The following DEDD2 variants were observed in gnomAD, a reference collection of about 807,000 sequenced individuals.
DEDD2 encodes DNA-binding death effector domain-containing protein 2.
DEDD2 carries 18 observed loss-of-function variants against 28.9 expected under a neutral mutation model. The observed-to-expected ratio is 0.62, with a 90% CI of 0.43 to 0.92. The LOEUF is 0.92. Ranked by LOEUF, DEDD2 falls within the 40% of genes least tolerant of loss-of-function variation. The pLI, the probability that DEDD2 is intolerant of heterozygous loss-of-function variation, is 0.00. For synonymous variants in DEDD2, 211 were observed against 206.1 expected, an observed-to-expected ratio of 1.02 and a Z score of -0.20; for missense variants, 411 against 463.3, an observed-to-expected ratio of 0.89 and a Z score of 1.04.
intron 4 of DEDD2, among the ~76,000 whole-genome samples, chr19:42,207,650 G>A (rs1450203554): frequency 2.6e-5 from 4 of 152,148 alleles, no homozygotes; most frequent in African/African-American, 9.7e-5. Flanking sequence ...AACTCCTGGA[G>A]GCTGAGGACT....
At chr19:42,218,640 T>A (rs2036068901), upstream of DEDD2, among the ~76,000 whole-genome samples, 2 of 152,120 alleles carry the variant, frequency 1.3e-5, no homozygotes, top group African/African-American at 4.8e-5. Flanking sequence ...TCCCTGGACC[T>A]CTTCCCACCC....
chr19:42,214,572 G>C (rs188180476), intron 3 of DEDD2, among the ~76,000 whole-genome samples: 1 of 151,900 alleles, frequency 6.6e-6, no homozygotes, highest in Non-Finnish European at 1.5e-5. Flanking sequence ...GACCAGCCTG[G>C]ACAACAAGGG....
chr19:42,208,630 G>A (rs540218062), intron 4 of DEDD2, among the ~76,000 whole-genome samples: 11 of 152,262 alleles, frequency 7.2e-5, no homozygotes, highest in East Asian at 3.9e-4. Context: ...CATCCCTGCC[G>A]TGGCCCGCGA....
chr19:42,213,723 A>C (rs974149426), intron 3 of DEDD2, among the ~76,000 whole-genome samples: 1 of 152,190 alleles, frequency 6.6e-6, no homozygotes, highest in African/African-American at 2.4e-5. Context: ...TCTACAAAAC[A>C]ACCGGCCTGC....
At chr19:42,209,335 T>C (rs754681278) in intron 4 of DEDD2, among the ~76,000 whole-genome samples, 51 of 152,288 alleles carry the variant, frequency 3.3e-4, no homozygotes, top group Non-Finnish European at 5.7e-4. Context: ...AAGACCAGGA[T>C]GTAAATCAGG....
Position 42,216,940 on chromosome 19 carries a change from A to ATCCCGTAGTAGTCCAGGCACTCATCCTCC in DEDD2, c.39_67dup (p.Met23ArgfsTer25). On this transcript the variant is annotated frameshift_variant, in exon 2 of 5. Coordinates refer to ENST00000596251, the MANE Select transcript of DEDD2 (RefSeq NM_133328.4). LOFTEE classifies it high-confidence loss of function. Reference sequence around the variant, plus strand: ...CTCGAACATACGGTGAAGCGACAGCATCCCGTAGTAGTCCAGGCACTCATC... The same window carrying ATCCCGTAGTAGTCCAGGCACTCATCCTCC: ...CTCGAACATACGGTGAAGCGACAGCATCCCGTAGTAGTCCAGGCACTCATCCTCCTCCCGTAGTAGTCCAGGCACTCATC... 1 of 1,602,520 alleles carries ATCCCGTAGTAGTCCAGGCACTCATCCTCC rather than the reference A, an allele frequency of 6.2e-7. No individual in the cohort carries two copies. Among genetic ancestry groups the ATCCCGTAGTAGTCCAGGCACTCATCCTCC allele is most frequent in the Non-Finnish European group, 8.5e-7 (1 of 1,175,048 alleles).
chr19:42,206,123 C>T (rs1320622695), intron 4 of DEDD2, among the ~76,000 whole-genome samples: 3 of 151,456 alleles, frequency 2.0e-5, no homozygotes, highest in Non-Finnish European at 4.4e-5. Context: ...AGAAGCAAAG[C>T]TGATCCTGTC....
intron 3 of DEDD2, among the ~76,000 whole-genome samples, chr19:42,211,611 A>G (rs1253703041): frequency 1.3e-5 from 2 of 152,174 alleles, no homozygotes; most frequent in Admixed American, 6.5e-5. Context: ...AATAAAATCT[A>G]TGTTTCATTC....
intron 4 of DEDD2, among the ~76,000 whole-genome samples, chr19:42,209,009 G>T (rs371879576): frequency 6.6e-6 from 1 of 152,178 alleles, no homozygotes; most frequent in East Asian, 1.9e-4. Context: ...AGGCTGAGGC[G>T]GGTGGATCAC....
At position 42,215,142 on chromosome 19, in the gene DEDD2, A is replaced by G; in HGVS notation, c.439T>C (p.Trp147Arg). 6.2e-7 allele frequency: 1 copy of G among 1,614,018 alleles called. No homozygotes were observed. Among genetic ancestry groups the G allele is most frequent in the Non-Finnish European group, 8.5e-7 (1 of 1,180,012 alleles). The part of the protein sequence containing the change: ...SSSANSQQGQ[W>R]ETGSPPTKRQ... The stretch of plus-strand genomic sequence containing the variant: ...ACCCAGCTGGGCTCACCTGTCTCCC[A>G]CTGACCCTGCTGAGAATTTGCAGAA... Residue 147 changes from tryptophan to arginine, a missense_variant, in exon 3 of 5, where the codon TGG becomes CGG. By Grantham distance (101) the Trp-to-Arg change is moderately radical (BLOSUM62 -3). Coordinates refer to ENST00000596251, the MANE Select transcript of DEDD2 (RefSeq NM_133328.4).
At chr19:42,218,964 G>A (rs1457681109), upstream of DEDD2, among the ~76,000 whole-genome samples, 7 of 152,208 alleles carry the variant, frequency 4.6e-5, no homozygotes, top group Admixed American at 3.3e-4. Flanking sequence ...AGCAGAGATA[G>A]TGCCACTGCA....
rs143854082 is a variant in DEDD2, at chr19:42,217,324, C to T, written c.-38-279G>A. 1.1e-4 allele frequency among the ~76,000 whole-genome samples: 16 copies of T among 152,092 alleles called. No homozygotes were observed. In the South Asian group the frequency reaches 2.1e-3, roughly 20 times the overall value. ...CAAACGATGCGGCCCAAACAAGCCT[C>T]GGGGCCCACCCCGGGGCTCCCTGCT... On this transcript the variant is annotated intron_variant, in intron 1 of 4. Coordinates refer to ENST00000596251, the MANE Select transcript of DEDD2 (RefSeq NM_133328.4).
chr19:42,206,464 T>C (rs2035538943), intron 4 of DEDD2, among the ~76,000 whole-genome samples: 1 of 152,124 alleles, frequency 6.6e-6, no homozygotes, highest in South Asian at 2.1e-4. Flanking sequence ...AAATACCCTA[T>C]AAATACATAT....
chr19:42,204,162 A>T (rs369173422), intron 4 of DEDD2, among the ~76,000 whole-genome samples: 2 of 151,772 alleles, frequency 1.3e-5, no homozygotes, highest in African/African-American at 4.8e-5. Flanking sequence ...GTGGGGGACC[A>T]GGGTGAAGTT....
chr19:42,199,307 C>T lies in DEDD2; in HGVS notation c.*131G>A, dbSNP rs1347294829. On this transcript the variant is annotated 3_prime_UTR_variant, in exon 5 of 5. Transcript: ENST00000596251. The surrounding 1 kb of genome is among the most constrained non-coding windows in gnomAD (Gnocchi z 7.4). ...TCCTGTGGGAGGGGCTGTCAAGGGG[C>T]CTGCTGTCCCGGTCCTGTCGCAGTC... 4.5e-6 allele frequency: 6 copies of T among 1,319,086 alleles called. No individual in the cohort carries two copies. The highest frequency in any genetic ancestry group is 6.0e-6 in the Non-Finnish European group (6 of 995,216). 81.7% of individuals were successfully genotyped at this position (1,319,086 alleles called of 1,614,324 possible). A position where few individuals can be genotyped will look rare whatever the true frequency, so the allele number is the denominator to read the frequency against.
intron 4 of DEDD2, among the ~76,000 whole-genome samples, chr19:42,208,617 T>C (rs368998863): frequency 3.3e-5 from 5 of 152,202 alleles, no homozygotes; most frequent in Non-Finnish European, 5.9e-5. Flanking sequence ...AAATCCAAAC[T>C]GTCATCCCTG....
At chr19:42,208,544 G>A (rs1373875796) in intron 4 of DEDD2, among the ~76,000 whole-genome samples, 1 of 152,330 alleles carries the variant, frequency 6.6e-6, no homozygotes, top group East Asian at 1.9e-4. Context: ...GTTCCCTGAA[G>A]AGGAATCACA....
chr19:42,217,163 A>C (rs2036012931), intron 1 of DEDD2, 118 bp from the exon 2 acceptor site: 10 of 719,698 alleles, frequency 1.4e-5, no homozygotes, highest in Non-Finnish European at 2.3e-5. Flanking sequence ...CGCACCCCCA[A>C]CCGCCTCGGC....
At chr19:42,206,019 G>A (rs559064032) in intron 4 of DEDD2, among the ~76,000 whole-genome samples, 40 of 151,914 alleles carry the variant, frequency 2.6e-4, no homozygotes, top group African/African-American at 8.9e-4. Context: ...GGGAAGCGGA[G>A]GCTGCAGTGA....
Sources: gnomAD v4.1 joint callset for allele counts (sites outside exome capture counted in the v4.1 genomes callset) on GRCh38, gnomAD v4.1.1 for gene constraint, Gnocchi (gnomAD v3.1) non-coding constraint, MANE v1.5 for transcripts, NCBI Gene and HGNC (gene_info 2026-07-23, HGNC 2026-07-21) for gene names.